The following NOS1 variants were observed in gnomAD, a reference collection of about 807,000 sequenced individuals.
NOS1 encodes the protein nitric oxide synthase 1.
In NOS1, 51 loss-of-function variants were observed where a neutral mutation model predicts 164.5. The observed-to-expected ratio is 0.31, with a 90% CI of 0.25 to 0.39. The LOEUF (loss-of-function observed/expected upper bound fraction) is 0.39, where lower values mean the gene tolerates loss of function less well. Among genes scored for constraint, NOS1 ranks in the 10% least tolerant of loss-of-function variants. The pLI is 1.00. For synonymous variants in NOS1, 719 were observed against 745.8 expected (o/e 0.96, Z 0.59); for missense variants, 1,362 against 1,885.6 (o/e 0.72, Z 5.14).
chr12:117,266,259 C>T (rs1047551236), intron 11 of NOS1, among the ~76,000 whole-genome samples: 1 of 152,112 alleles, frequency 6.6e-6, no homozygotes, highest in African/African-American at 2.4e-5. Context: ...CCCTCACCCC[C>T]TTCCCACCCT....
intron 27 of NOS1, among the ~76,000 whole-genome samples, chr12:117,219,369 C>T (rs751088361): frequency 2.7e-5 from 4 of 150,408 alleles, no homozygotes; most frequent in Non-Finnish European, 1.5e-5. Flanking sequence ...TGCAATGACA[C>T]GATCTTGGCT....
intron 1 of NOS1, among the ~76,000 whole-genome samples, chr12:117,350,296 C>T (rs182089765): frequency 5.9e-5 from 9 of 152,314 alleles, no homozygotes; most frequent in African/African-American, 1.7e-4. Context: ...CGATGTGTGA[C>T]GTGCTCACGG....
chr12:117,283,128 T>G (rs1566057730), intron 7 of NOS1, among the ~76,000 whole-genome samples: 1 of 149,408 alleles, frequency 6.7e-6, no homozygotes, highest in Non-Finnish European at 1.5e-5. Context: ...TGGTGCAACC[T>G]CGGCTCACTG....
In NOS1 at chr12:117,253,733, G is replaced by A. The variant is rs1871254618; in HGVS notation, c.2553C>T (p.Asn851=). The A allele has an allele frequency of 6.2e-7, 1 of 1,613,958 alleles. No individual in the cohort carries two copies. The highest frequency in any genetic ancestry group is 2.2e-5 in the East Asian group (1 of 44,868). ...GGGAGTCAGAGTAGGAGGAGACGCT[G>A]TTGAATCGGACCTTGTAGCTCCTGC... The part of the protein sequence containing the change: ...EERKSYKVRF[N]SVSSYSDSQK... The change falls in exon 17 of 29, where the codon AAC becomes AAT. Residue 851 remains asparagine, a synonymous_variant. Transcript: ENST00000317775.
intron 10 of NOS1, among the ~76,000 whole-genome samples, chr12:117,271,381 G>A (rs1419048857): frequency 2.0e-5 from 3 of 151,836 alleles, no homozygotes; most frequent in Non-Finnish European, 2.9e-5. Context: ...TGGTTCAAGC[G>A]ATTCTCCTGG....
chr12:117,264,719 C>G (rs953390830), intron 12 of NOS1, among the ~76,000 whole-genome samples: 4 of 149,028 alleles, frequency 2.7e-5, no homozygotes, highest in African/African-American at 7.4e-5. Flanking sequence ...CTCCCTTTCC[C>G]TCTCTCTCTT....
In NOS1 at chr12:117,243,635, C is replaced by T. The variant is rs1870377958; in HGVS notation, c.2824-200G>A. ...CCTTCTTCCTTCCCTTCCTTTCTTCCCTCTACCCTTTCGTTGTCTTCCTTC... is the reference window on the plus strand; with the variant it reads ...CCTTCTTCCTTCCCTTCCTTTCTTCTCTCTACCCTTTCGTTGTCTTCCTTC... On this transcript the variant is annotated intron_variant, in intron 18 of 28. Coordinates refer to ENST00000317775, the MANE Select transcript of NOS1 (RefSeq NM_000620.5). This position sits in a 1 kb window ranked among gnomAD's most constrained non-coding sequence, Gnocchi z 4.3. 6.6e-6 allele frequency among the ~76,000 whole-genome samples: 1 copy of T among 150,484 alleles called. No homozygotes were observed. Among genetic ancestry groups the T allele is most frequent in the Non-Finnish European group, 1.5e-5 (1 of 67,646 alleles).
intron 1 of NOS1, among the ~76,000 whole-genome samples, chr12:117,332,194 T>C (rs1000988336): frequency 2.6e-5 from 4 of 152,188 alleles, no homozygotes; most frequent in African/African-American, 9.7e-5. Context: ...CAATGAACAT[T>C]CGTTGACTGA....
intron 2 of NOS1, among the ~76,000 whole-genome samples, chr12:117,313,387 T>G (rs1296925406): frequency 6.6e-6 from 1 of 152,084 alleles, no homozygotes; most frequent in Non-Finnish European, 1.5e-5. Flanking sequence ...CTTGACCTCC[T>G]AGGCTCGAGC....
intron 5 of NOS1, 99 bp downstream of exon 5, chr12:117,287,975 C>G: frequency 7.5e-7 from 1 of 1,342,080 alleles, no homozygotes; most frequent in Non-Finnish European, 1.1e-6. Flanking sequence ...ATGGCAGAGG[C>G]CTTGTGCCTT....
chr12:117,309,199 TG>T, intron 3 of NOS1: 1 of 210,304 alleles, frequency 4.8e-6, no homozygotes, highest in Non-Finnish European at 8.2e-6. Flanking sequence ...TGCTTCAGTG[TG>T]GTCTTGACTT....
chr12:117,357,112 C>T (rs1876887640), intron 1 of NOS1, among the ~76,000 whole-genome samples: 1 of 152,178 alleles, frequency 6.6e-6, no homozygotes, highest in African/African-American at 2.4e-5. Flanking sequence ...GGCTTGAGCC[C>T]AGGAGTTTGA....
chr12:117,246,852 C>T (rs980619610), intron 18 of NOS1, among the ~76,000 whole-genome samples: 2 of 152,118 alleles, frequency 1.3e-5, no homozygotes, highest in Non-Finnish European at 2.9e-5. Flanking sequence ...CATTGATGTA[C>T]CACATTTTAT....
At chr12:117,290,637 T>C (rs1025414266) in intron 3 of NOS1, among the ~76,000 whole-genome samples, 1 of 151,942 alleles carries the variant, frequency 6.6e-6, no homozygotes, top group Admixed American at 6.6e-5. Flanking sequence ...AGAAACACCA[T>C]GGAAGAGCCT....
In NOS1 at chr12:117,351,933, C is replaced by G. The variant is rs538704007; in HGVS notation, c.-421+9579G>C. On this transcript the variant is annotated intron_variant, in intron 1 of 28. Coordinates refer to ENST00000317775, the MANE Select transcript of NOS1 (RefSeq NM_000620.5). ...TGGTGGCTTACGCCTGTAATCCCAG[C>G]ATTTTGGGAGGCCCAGGTGGGTGGA... Among the ~76,000 whole-genome samples the G allele has an allele frequency of 4.9e-4, 75 of 152,290 alleles. 1 individual carries two copies. The South Asian group carries it at 0.014, about 29-fold the overall frequency.
intron 12 of NOS1, among the ~76,000 whole-genome samples, chr12:117,264,317 G>A (rs1872190714): frequency 6.6e-6 from 1 of 152,066 alleles, no homozygotes; most frequent in Non-Finnish European, 1.5e-5. Flanking sequence ...CTGCTGCCCA[G>A]GCAGGAGTGC....
intron 1 of NOS1, among the ~76,000 whole-genome samples, chr12:117,351,857 C>T (rs539386099): frequency 5.8e-4 from 88 of 152,338 alleles, no homozygotes; most frequent in African/African-American, 2.0e-3. Flanking sequence ...AGAATCCTGC[C>T]TCTTCTCCAT....
At chr12:117,336,444 A>G (rs1272261366) in intron 1 of NOS1, among the ~76,000 whole-genome samples, 1 of 152,204 alleles carries the variant, frequency 6.6e-6, no homozygotes, top group Non-Finnish European at 1.5e-5. Context: ...CCAATATGGC[A>G]GCCGCTTGAC....
chr12:117,225,991 TA>T (rs1482844798), intron 24 of NOS1, among the ~76,000 whole-genome samples: 3 of 152,182 alleles, frequency 2.0e-5, no homozygotes, highest in Non-Finnish European at 2.9e-5. Flanking sequence ...CTTCAGTGTG[TA>T]AAAGAATCAC....
Sources: gnomAD v4.1 joint callset for allele counts (sites outside exome capture counted in the v4.1 genomes callset) on GRCh38, gnomAD v4.1.1 for gene constraint, Gnocchi (gnomAD v3.1) non-coding constraint, MANE v1.5 for transcripts, NCBI Gene and HGNC (gene_info 2026-07-23, HGNC 2026-07-21) for gene names.